Variants in URB2 observed in about 807,000 individuals in gnomAD.
URB2 encodes unhealthy ribosome biogenesis protein 2 homolog.
Under a neutral mutation model 120.9 loss-of-function variants are expected in URB2, and 86 were observed. The ratio of observed to expected loss-of-function variants is 0.71; its 90% CI spans 0.60 to 0.85. URB2 has a LOEUF of 0.85. Among genes scored for constraint, URB2 ranks in the 40% least tolerant of loss-of-function variants. The pLI is 0.00. For synonymous variants in URB2, 755 were observed against 758.4 expected (o/e 1.00, Z 0.07); for missense variants, 1,765 against 1,836.5 (o/e 0.96, Z 0.71).
In URB2 at chr1:229,659,226, A is replaced by C. The variant is rs947024420; in HGVS notation, c.4504A>C (p.Lys1502Gln). 1.2e-6 allele frequency: 2 copies of C among 1,614,036 alleles called. No homozygotes were observed. The highest frequency in any genetic ancestry group is 1.7e-6 in the Non-Finnish European group (2 of 1,180,022). ...SLQPGMRDIFKELYNDYLKYH... is the reference protein window; with the variant it reads ...SLQPGMRDIFQELYNDYLKYH... ...GCAGCCGGGAATGAGAGACATCTTT[A>C]AGGAGCTCTATAATGACTATCTCAA... The change falls in exon 10 of 10, where the codon AAG becomes CAG. Residue 1502 changes from lysine (K) to glutamine (Q), a missense_variant. Lys to Gln is a moderately conservative substitution (Grantham distance 53). Coordinates refer to ENST00000258243, the MANE Select transcript of URB2 (RefSeq NM_014777.4).
At chr1:229,655,324 C>G (rs1280455630) in intron 9 of URB2, among the ~76,000 whole-genome samples, 1 of 152,130 alleles carries the variant, frequency 6.6e-6, no homozygotes, top group Non-Finnish European at 1.5e-5. Context: ...ACCTCTGCCC[C>G]GTGGGTTCAA....
intron 7 of URB2, among the ~76,000 whole-genome samples, chr1:229,650,233 C>A (rs1419270559): frequency 6.6e-6 from 1 of 152,184 alleles, no homozygotes; most frequent in Non-Finnish European, 1.5e-5. Context: ...AGTATGGTCA[C>A]CACTGGCCAC....
At chr1:229,640,853 T>C (rs1665991681) in intron 4 of URB2, among the ~76,000 whole-genome samples, 1 of 146,380 alleles carries the variant, frequency 6.8e-6, no homozygotes, top group South Asian at 2.1e-4. Flanking sequence ...TAATGGGGGC[T>C]AAAATAGAGT....
intron 5 of URB2, among the ~76,000 whole-genome samples, chr1:229,644,236 C>G (rs1371858185): frequency 2.0e-5 from 3 of 152,210 alleles, no homozygotes; most frequent in Admixed American, 6.5e-5. Flanking sequence ...ACATCTCTTA[C>G]GCAAGGAAGA....
chr1:229,638,397 G>C, intron 4 of URB2, 150 bp downstream of exon 4: 1 of 881,160 alleles, frequency 1.1e-6, no homozygotes, highest in Non-Finnish European at 1.6e-6. Flanking sequence ...TGTAATCCCA[G>C]CACTTTGGGA....
intron 2 of URB2, among the ~76,000 whole-genome samples, chr1:229,631,621 A>C (rs1036949152): frequency 2.0e-5 from 3 of 152,204 alleles, no homozygotes; most frequent in Non-Finnish European, 4.4e-5. Flanking sequence ...GGAAAGCCAG[A>C]GGAGAAGGAG....
At chr1:229,641,105 C>T (rs1424895759) in intron 4 of URB2, among the ~76,000 whole-genome samples, 4 of 151,328 alleles carry the variant, frequency 2.6e-5, no homozygotes, top group Admixed American at 6.6e-5. Context: ...CTCCGCCTCC[C>T]GGCTTTGAGC....
In URB2 at chr1:229,659,257, A is replaced by G. The variant is rs756808543; in HGVS notation, c.4535A>G (p.His1512Arg). Reference sequence around the variant, plus strand: ...CTCTATAATGACTATCTCAAGTACCACAAGGCCAAACATGAAGGAGAGAAA... The same window carrying G: ...CTCTATAATGACTATCTCAAGTACCGCAAGGCCAAACATGAAGGAGAGAAA... ...KELYNDYLKY[H>R]KAKHEGEKRY... The change falls in exon 10 of 10, where the codon CAC becomes CGC. Residue 1512 changes from histidine to arginine, a missense_variant. Coordinates refer to ENST00000258243, the MANE Select transcript of URB2 (RefSeq NM_014777.4). 5 of 1,614,074 alleles carry G rather than the reference A, an allele frequency of 3.1e-6. No individual in the cohort carries two copies. The East Asian group carries it at 8.9e-5, about 29-fold the overall frequency.
In URB2 at chr1:229,628,140, A is replaced by ATATAGTATATGTATAGTATATATG. The variant is rs1312400868; in HGVS notation, c.126+385_126+386insGTATATGTATAGTATATATGTATA. The stretch of plus-strand genomic sequence containing the variant: ...ATATGTATATATACATATATAATAT[A>ATATAGTATATGTATAGTATATATG]TATATAATATATATAGTATATGTAT... On this transcript the variant is annotated intron_variant, in intron 2 of 9. Coordinates refer to ENST00000258243, the MANE Select transcript of URB2 (RefSeq NM_014777.4). Among the ~76,000 whole-genome samples the ATATAGTATATGTATAGTATATATG allele has an allele frequency of 7.5e-4, 88 of 116,648 alleles. 1 individual carries two copies. The highest frequency in any genetic ancestry group is 3.0e-3 in the African/African-American group (82 of 27,536). 76.5% of individuals were successfully genotyped at this position (116,648 alleles called of 152,430 possible). A position where few individuals can be genotyped will look rare whatever the true frequency, so the allele number is the denominator to read the frequency against.
intron 8 of URB2, among the ~76,000 whole-genome samples, chr1:229,653,662 C>G (rs1666334159): frequency 6.6e-6 from 1 of 152,128 alleles, no homozygotes; most frequent in South Asian, 2.1e-4. Context: ...TTAAGAGGCC[C>G]TGGACGGTCC....
chr1:229,658,529 C>T (rs1288310068), intron 9 of URB2, among the ~76,000 whole-genome samples: 1 of 152,220 alleles, frequency 6.6e-6, no homozygotes, highest in Non-Finnish European at 1.5e-5. Context: ...GAAATCACTT[C>T]TGCTCTTGGG....
At chr1:229,644,476 G>T (rs1252214993) in intron 5 of URB2, among the ~76,000 whole-genome samples, 1 of 152,232 alleles carries the variant, frequency 6.6e-6, no homozygotes, top group East Asian at 1.9e-4. Flanking sequence ...ACTGAAGAAT[G>T]CAGGGGACTT....
rs1666475329 is a variant in URB2, at chr1:229,659,517, A to G, written c.*220A>G. On this transcript the variant is annotated 3_prime_UTR_variant, in exon 10 of 10. Coordinates refer to ENST00000258243, the MANE Select transcript of URB2 (RefSeq NM_014777.4). ...TTTATGCAGTAAGTATTGCAATAGA[A>G]TCCTGAAAATTGACCCTGGGATGAG... 2.3e-6 allele frequency: 1 copy of G among 425,564 alleles called. No homozygotes were observed. Among genetic ancestry groups the G allele is most frequent in the African/African-American group, 2.0e-5 (1 of 50,530 alleles). 26.4% of individuals were successfully genotyped at this position (425,564 alleles called of 1,614,324 possible). A position where few individuals can be genotyped will look rare whatever the true frequency, so the allele number is the denominator to read the frequency against.
chr1:229,628,866 CAT>C (rs1665595393), intron 2 of URB2, among the ~76,000 whole-genome samples: 2 of 152,184 alleles, frequency 1.3e-5, no homozygotes. Context: ...AGATGGATGA[CAT>C]ATGTAAAGCG....
At chr1:229,657,497 G>A (rs1666431843) in intron 9 of URB2, among the ~76,000 whole-genome samples, 1 of 152,142 alleles carries the variant, frequency 6.6e-6, no homozygotes, top group Admixed American at 6.5e-5. Flanking sequence ...TTTGCCTTTG[G>A]AAGTGGAATT....
Position 229,637,842 on chromosome 1 carries a change from G to A in URB2, c.3229G>A (p.Gly1077Ser). ...ACCTTTCCTCAAAGAGCAGAAGCTG[G>A]GCCAAGAGGCCCCAGCAGCACTGTC... is the stretch of plus-strand genomic sequence containing the variant. ...LGPFLKEQKL[G>S]QEAPAALSEL... Residue 1077 changes from glycine to serine, a missense_variant, in exon 4 of 10, where the codon GGC becomes AGC. By Grantham distance (56) the Gly-to-Ser change is moderately conservative. Transcript: ENST00000258243. The A allele has an allele frequency of 6.2e-7, 1 of 1,605,288 alleles. No homozygotes were observed. Among genetic ancestry groups the A allele is most frequent in the Non-Finnish European group, 8.5e-7 (1 of 1,176,480 alleles).
At position 229,636,347 on chromosome 1, in the gene URB2, G is replaced by A. The variant is rs746683763; in HGVS notation, c.1734G>A (p.Glu578=). ...GCATGATGGAGAGGATGATGAGGGAGCTCGTGCAGCCCCTGCTGGCCCTTC... is the reference window on the plus strand; with the variant it reads ...GCATGATGGAGAGGATGATGAGGGAACTCGTGCAGCCCCTGCTGGCCCTTC... ...TQCMMERMMR[E]LVQPLLALLP... The change falls in exon 4 of 10, where the codon GAG becomes GAA. Residue 578 remains glutamate (E), a synonymous_variant. Transcript: ENST00000258243. The A allele has an allele frequency of 3.1e-6, 5 of 1,614,088 alleles. No individual in the cohort carries two copies. Among genetic ancestry groups the A allele is most frequent in the Non-Finnish European group, 3.4e-6 (4 of 1,180,032 alleles).
intron 8 of URB2, among the ~76,000 whole-genome samples, chr1:229,653,550 T>A (rs1401394608): frequency 1.3e-5 from 2 of 152,198 alleles, no homozygotes; most frequent in African/African-American, 4.8e-5. Context: ...TTGTGCTGAA[T>A]GACAGCAGGG....
chr1:229,657,945 G>C (rs998110435), intron 9 of URB2, among the ~76,000 whole-genome samples: 4 of 152,054 alleles, frequency 2.6e-5, no homozygotes, highest in African/African-American at 7.2e-5. Flanking sequence ...AGGTTATCAG[G>C]GTAGCAATAA....
Sources: gnomAD v4.1 joint callset for allele counts (sites outside exome capture counted in the v4.1 genomes callset) on GRCh38, gnomAD v4.1.1 for gene constraint, MANE v1.5 for transcripts, NCBI Gene and HGNC (gene_info 2026-07-23, HGNC 2026-07-21) for gene names.